The following SAXO1 variants were observed in gnomAD, a reference collection of about 807,000 sequenced individuals.
SAXO1 encodes 4930500O09Rik.
A neutral mutation model predicts 17.5 loss-of-function variants in SAXO1; 21 were observed. The ratio of observed to expected loss-of-function variants is 1.20; its 90% CI spans 0.85 to 1.72. The LOEUF (loss-of-function observed/expected upper bound fraction) is 1.72, where lower values mean the gene tolerates loss of function less well. Among genes scored for constraint, SAXO1 ranks in the 40% most tolerant of loss-of-function variants. The pLI is 0.00. For missense variants in SAXO1, 843 were observed against 596.0 expected (o/e 1.41, Z -4.32); for synonymous variants, 274 against 216.5 (o/e 1.27, Z -2.33).
Position 19,044,003 on chromosome 9 carries a change from G to A in SAXO1, c.-158+5206C>T, listed in dbSNP as rs1836142462. On this transcript the variant is annotated intron_variant, in intron 1 of 3. Transcript: ENST00000542071. ...CTACTAAAAATACAAAAATTAGCCA[G>A]GTTTTGTGGCAGGTGCCTGTAATAC... 2.0e-5 allele frequency among the ~76,000 whole-genome samples: 3 copies of A among 151,956 alleles called. No individual in the cohort carries two copies. The South Asian group carries it at 6.2e-4, about 31-fold the overall frequency.
intron 1 of SAXO1, among the ~76,000 whole-genome samples, chr9:19,008,726 C>T (rs1206152043): frequency 6.6e-6 from 1 of 152,166 alleles, no homozygotes; most frequent in Non-Finnish European, 1.5e-5. Flanking sequence ...TAACCCCACT[C>T]AGCCCGACTA....
chr9:18,935,424 A>C (rs1046065759), intron 3 of SAXO1, among the ~76,000 whole-genome samples: 10 of 152,150 alleles, frequency 6.6e-5, no homozygotes, highest in African/African-American at 2.4e-4. Flanking sequence ...CTACACAAGC[A>C]CTAGGCCTAA....
chr9:18,957,999 G>A (rs962651937), intron 1 of SAXO1, among the ~76,000 whole-genome samples: 3 of 152,152 alleles, frequency 2.0e-5, no homozygotes, highest in African/African-American at 2.4e-5. Context: ...GCAATCTTGA[G>A]GCAAGATATC....
At chr9:18,940,235 G>A (rs1288654288) in intron 3 of SAXO1, among the ~76,000 whole-genome samples, 5 of 152,248 alleles carry the variant, frequency 3.3e-5, no homozygotes, top group African/African-American at 1.2e-4. Context: ...AGGACAGGAT[G>A]CCGATGTGCA....
intron 3 of SAXO1, among the ~76,000 whole-genome samples, chr9:18,934,327 T>C (rs1588400630): frequency 6.6e-6 from 1 of 152,234 alleles, no homozygotes; most frequent in Non-Finnish European, 1.5e-5. Context: ...GTACACTTTA[T>C]GGTATTCCAC....
intron 1 of SAXO1, among the ~76,000 whole-genome samples, chr9:18,988,608 T>C (rs1410904085): frequency 1.3e-5 from 2 of 152,256 alleles, no homozygotes; most frequent in Non-Finnish European, 2.9e-5. Context: ...GTTGAATGTA[T>C]ATTTTATAAA....
chr9:19,011,326 G>T (rs1464896816), intron 1 of SAXO1, among the ~76,000 whole-genome samples: 3 of 152,140 alleles, frequency 2.0e-5, no homozygotes, highest in Non-Finnish European at 4.4e-5. Flanking sequence ...GGCAAGAATG[G>T]GCACAACCCC....
rs181595511 is a variant in SAXO1 at position 19,043,499 on chromosome 9, G to A, written c.-158+5710C>T. 1.4e-3 allele frequency among the ~76,000 whole-genome samples: 212 copies of A among 152,186 alleles called. 1 individual carries two copies. The highest frequency in any genetic ancestry group is 4.9e-3 in the African/African-American group (205 of 41,502). On this transcript the variant is annotated intron_variant, in intron 1 of 3. Coordinates refer to the SAXO1 transcript ENST00000542071. ...GACCTAGTAGGGGCCAGGCATGGTG[G>A]CTCACACCTGTAATTGGAGCACTTT... is the stretch of plus-strand genomic sequence containing the variant.
chr9:19,043,768 GA>G (rs980045213), intron 1 of SAXO1, among the ~76,000 whole-genome samples: 60 of 138,752 alleles, frequency 4.3e-4, no homozygotes, highest in African/African-American at 6.3e-4. Flanking sequence ...ACCCTGTCTC[GA>G]AAAAAAAAAA....
chr9:18,948,346 TAA>T (rs1687926097), intron 2 of SAXO1, among the ~76,000 whole-genome samples: 1 of 152,164 alleles, frequency 6.6e-6, no homozygotes, highest in Admixed American at 6.5e-5. Flanking sequence ...GGGTAGGAAA[TAA>T]AAAGAGATTC....
At chr9:18,967,133 G>T (rs905729882) in intron 1 of SAXO1, among the ~76,000 whole-genome samples, 1 of 152,146 alleles carries the variant, frequency 6.6e-6, no homozygotes, top group Non-Finnish European at 1.5e-5. Context: ...ATCCCAGAGG[G>T]GCACCTGCCA....
chr9:19,031,431 A>T (rs1326441858), intron 1 of SAXO1, among the ~76,000 whole-genome samples: 1 of 152,154 alleles, frequency 6.6e-6, no homozygotes, highest in African/African-American at 2.4e-5. Flanking sequence ...GCATGGTGGC[A>T]TGTGCCTGTA....
chr9:19,035,852 C>T (rs570798941), upstream of SAXO1, among the ~76,000 whole-genome samples: 400 of 152,122 alleles, frequency 2.6e-3, 1 homozygote, highest in Non-Finnish European at 4.9e-3. Context: ...ATCTGGCAGA[C>T]GAAACTTCTA....
At chr9:18,946,726 T>C (rs1169992981) in intron 2 of SAXO1, among the ~76,000 whole-genome samples, 1 of 152,114 alleles carries the variant, frequency 6.6e-6, no homozygotes, top group Non-Finnish European at 1.5e-5. Context: ...TTAAAGTAGC[T>C]TTTTAAACCA....
At chr9:19,031,090 C>G (rs1208530162) in intron 1 of SAXO1, among the ~76,000 whole-genome samples, 1 of 152,228 alleles carries the variant, frequency 6.6e-6, no homozygotes, top group African/African-American at 2.4e-5. Flanking sequence ...CCAAATGAGT[C>G]ATAACCCTAC....
intron 1 of SAXO1, among the ~76,000 whole-genome samples, chr9:18,961,169 CTTT>C (rs11417886): frequency 6.9e-6 from 1 of 145,416 alleles, no homozygotes; most frequent in African/African-American, 2.5e-5. Flanking sequence ...GAAATTCTTT[CTTT>C]TTTTTTTTTG....
At chr9:19,003,583 A>G (rs1053308452) in intron 1 of SAXO1, among the ~76,000 whole-genome samples, 21 of 152,248 alleles carry the variant, frequency 1.4e-4, no homozygotes, top group African/African-American at 5.1e-4. Flanking sequence ...CCTCAGAAAT[A>G]ACACTACACA....
chr9:18,936,433 G>A (rs1026347799), intron 3 of SAXO1, among the ~76,000 whole-genome samples: 1 of 152,044 alleles, frequency 6.6e-6, no homozygotes, highest in African/African-American at 2.4e-5. Flanking sequence ...ACTCCCTCAA[G>A]GTACTTGGGG....
upstream of SAXO1, among the ~76,000 whole-genome samples, chr9:19,033,735 G>A (rs1289376254): frequency 1.8e-4 from 27 of 152,322 alleles, no homozygotes; most frequent in Non-Finnish European, 1.5e-5. Flanking sequence ...CCTTGAAGCA[G>A]GCGTTCTCAA....
Sources: gnomAD v4.1 joint callset for allele counts (sites outside exome capture counted in the v4.1 genomes callset) on GRCh38, gnomAD v4.1.1 for gene constraint, MANE v1.5 for transcripts, NCBI Gene and HGNC (gene_info 2026-07-23, HGNC 2026-07-21) for gene names.